MYO5A: variants seen among roughly 807,000 people sequenced by gnomAD.
MYO5A encodes the protein myosin VA, also known as unconventional myosin-Va.
A neutral mutation model predicts 249.7 loss-of-function variants in MYO5A; 98 were observed. The observed-to-expected ratio is 0.39, with a 90% CI of 0.33 to 0.46. MYO5A has a LOEUF of 0.46. Among genes scored for constraint, MYO5A ranks in the 20% least tolerant of loss-of-function variants. The pLI, the probability that MYO5A is intolerant of heterozygous loss-of-function variation, is 0.98. For missense variants in MYO5A, 1,696 were observed against 2,308.8 expected (o/e 0.73, Z 5.44); for synonymous variants, 778 against 810.6 (o/e 0.96, Z 0.68).
intron 1 of MYO5A, among the ~76,000 whole-genome samples, chr15:52,473,943 C>A (rs1044204167): frequency 2.6e-5 from 4 of 152,106 alleles, no homozygotes; most frequent in Admixed American, 6.5e-5. Context: ...TCATTGGTAG[C>A]TTGATGGGGA....
Position 52,491,229 on chromosome 15 carries a change from T to G in MYO5A, c.27+37551A>C, listed in dbSNP as rs144746411. Among the ~76,000 whole-genome samples, 68 of 152,268 alleles carry G rather than the reference T, an allele frequency of 4.5e-4. 1 individual carries two copies. In the East Asian group the frequency reaches 7.1e-3, roughly 16 times the overall value. ...AAGATGACCTACGATGATAACTACATTGGGCCTTGGCTGTTGGATTATTCC... is the reference window on the plus strand; with the variant it reads ...AAGATGACCTACGATGATAACTACAGTGGGCCTTGGCTGTTGGATTATTCC... On this transcript the variant is annotated intron_variant, in intron 1 of 41. Transcript: ENST00000399233.
chr15:52,379,016 T>A (rs2041592085), intron 18 of MYO5A, among the ~76,000 whole-genome samples: 1 of 152,176 alleles, frequency 6.6e-6, no homozygotes, highest in South Asian at 2.1e-4. Flanking sequence ...CATACACAAA[T>A]CTCACACTGC....
At position 52,484,986 on chromosome 15, in the gene MYO5A, T is replaced by C. The variant is rs140107979; in HGVS notation, c.27+43794A>G. Among the ~76,000 whole-genome samples, 837 of 152,288 alleles carry C rather than the reference T, an allele frequency of 5.5e-3. 9 individuals carry two copies. The highest frequency in any genetic ancestry group is 0.019 in the African/African-American group (804 of 41,556). On this transcript the variant is annotated intron_variant, in intron 1 of 41. Coordinates refer to ENST00000399233, the MANE Select transcript of MYO5A (RefSeq NM_001382347.1). ...ATCCGCCCGCCCTGGCCTCCCAAAG[T>C]GCTGGGATTACAGGTGTAAGCCACC...
At position 52,381,795 on chromosome 15, in the gene MYO5A, C is replaced by T. The variant is rs187377829; in HGVS notation, c.2012+1296G>A. ...TCTCTCTCTCTCTCACACACACACA[C>T]ACACACACACACACGGAGCATGGAG... is the stretch of plus-strand genomic sequence containing the variant. On this transcript the variant is annotated intron_variant, in intron 16 of 41. Transcript: ENST00000399233. Among the ~76,000 whole-genome samples the T allele has an allele frequency of 1.4e-4, 21 of 152,152 alleles. No homozygotes were observed. The East Asian group carries it at 3.3e-3, about 24-fold the overall frequency.
intron 5 of MYO5A, 112 bp from the exon 6 acceptor site, chr15:52,410,588 AT>A (rs5812605): frequency 0.1 from 65,830 of 660,312 alleles, 1 homozygote; most frequent in Non-Finnish European, 0.12. Flanking sequence ...CTTAAAATTG[AT>A]TTTTTTTTTT....
intron 34 of MYO5A, among the ~76,000 whole-genome samples, chr15:52,330,982 T>C (rs930874837): frequency 6.6e-6 from 1 of 152,284 alleles, no homozygotes; most frequent in East Asian, 1.9e-4. Flanking sequence ...CAAAAGAACA[T>C]TTACTTTAAA....
At position 52,311,675 on chromosome 15, in the gene MYO5A, G is replaced by A. The variant is rs918172663; in HGVS notation, c.*2021C>T. Reference sequence around the variant, plus strand: ...TACATTTGATTAATCCTAAGGAATTGACAGGCACTACACACTGGTCTTTCC... The same window carrying A: ...TACATTTGATTAATCCTAAGGAATTAACAGGCACTACACACTGGTCTTTCC... On this transcript the variant is annotated 3_prime_UTR_variant, in exon 42 of 42. Transcript: ENST00000399233. The A allele has an allele frequency of 6.6e-6, 1 of 152,182 alleles. No homozygotes were observed. The highest frequency in any genetic ancestry group is 2.4e-5 in the African/African-American group (1 of 41,442). 9.4% of individuals were successfully genotyped at this position (152,182 alleles called of 1,614,324 possible).
At chr15:52,452,583 G>A (rs1163580649) in intron 1 of MYO5A, among the ~76,000 whole-genome samples, 1 of 152,138 alleles carries the variant, frequency 6.6e-6, no homozygotes, top group Non-Finnish European at 1.5e-5. Context: ...CATACTGTAG[G>A]AGGTATATTC....
At chr15:52,456,995 GA>G (rs1340731367) in intron 1 of MYO5A, among the ~76,000 whole-genome samples, 3 of 152,114 alleles carry the variant, frequency 2.0e-5, no homozygotes, top group African/African-American at 7.2e-5. Context: ...ACACAGCAAA[GA>G]AAACGATTAA....
chr15:52,494,672 T>C (rs930481157), intron 1 of MYO5A, among the ~76,000 whole-genome samples: 4 of 152,142 alleles, frequency 2.6e-5, no homozygotes, highest in Non-Finnish European at 5.9e-5. Context: ...TTTGTATTTT[T>C]AGTAGAGATA....
chr15:52,390,294 C>T (rs1160288281), intron 12 of MYO5A, among the ~76,000 whole-genome samples: 2 of 151,982 alleles, frequency 1.3e-5, no homozygotes, highest in East Asian at 3.9e-4. Context: ...AAGATAAATG[C>T]TTGAGGGGAT....
chr15:52,493,227 G>C (rs1406313527), intron 1 of MYO5A, among the ~76,000 whole-genome samples: 3 of 152,158 alleles, frequency 2.0e-5, no homozygotes, highest in Admixed American at 6.5e-5. Context: ...GCTAGCAAAT[G>C]ATCTTAAATA....
Position 52,364,617 on chromosome 15 carries a change from C to T in MYO5A, c.3246G>A (p.Leu1082=), listed in dbSNP as rs755587361. Residue 1082 remains leucine (L), a synonymous_variant, in exon 24 of 42, where the codon CTG becomes CTA. Coordinates refer to ENST00000399233, the MANE Select transcript of MYO5A (RefSeq NM_001382347.1). ...TTTCTTCCAGGCGACTGAACTCATTCAGAAGGTTCTGATATCTCAGCCTTT... is the reference window on the plus strand; with the variant it reads ...TTTCTTCCAGGCGACTGAACTCATTTAGAAGGTTCTGATATCTCAGCCTTT... ...NDERLRYQNL[L]NEFSRLEERY... is the part of the protein sequence containing the mutation. The T allele has an allele frequency of 2.5e-6, 4 of 1,613,904 alleles. No homozygotes were observed. In the East Asian group the frequency reaches 8.9e-5, roughly 36 times the overall value.
chr15:52,391,790 T>C (rs2042248530), intron 12 of MYO5A, 140 bp downstream of exon 12: 4 of 820,218 alleles, frequency 4.9e-6, no homozygotes, highest in South Asian at 4.8e-5. Context: ...TAGTGTCCCT[T>C]TGGAATGAAA....
At chr15:52,466,957 C>T (rs1055148692) in intron 1 of MYO5A, among the ~76,000 whole-genome samples, 2 of 152,176 alleles carry the variant, frequency 1.3e-5, no homozygotes, top group Non-Finnish European at 2.9e-5. Context: ...CTGCCTGGTA[C>T]GCCACTACAA....
intron 1 of MYO5A, among the ~76,000 whole-genome samples, chr15:52,510,529 G>A (rs558513352): frequency 6.6e-6 from 1 of 152,352 alleles, no homozygotes; most frequent in Admixed American, 6.5e-5. Context: ...ACAGCAGGAG[G>A]TGAGTGGTGA....
At chr15:52,406,124 A>C (rs188310805) in intron 8 of MYO5A, among the ~76,000 whole-genome samples, 20 of 152,316 alleles carry the variant, frequency 1.3e-4, no homozygotes, top group East Asian at 9.6e-4. Flanking sequence ...TTTTTAAATA[A>C]CATAAGAATC....
intron 1 of MYO5A, among the ~76,000 whole-genome samples, chr15:52,473,666 T>G (rs1197895047): frequency 6.6e-6 from 1 of 152,202 alleles, no homozygotes; most frequent in East Asian, 1.9e-4. Context: ...TTTCCCCATT[T>G]CTTGTTTTTG....
intron 1 of MYO5A, among the ~76,000 whole-genome samples, chr15:52,463,927 C>T (rs2076302673): frequency 6.6e-6 from 1 of 152,120 alleles, no homozygotes; most frequent in African/African-American, 2.4e-5. Context: ...AATCTCAATT[C>T]CCTTACTTAC....
Sources: gnomAD v4.1 joint callset for allele counts (sites outside exome capture counted in the v4.1 genomes callset) on GRCh38, gnomAD v4.1.1 for gene constraint, MANE v1.5 for transcripts, NCBI Gene and HGNC (gene_info 2026-07-23, HGNC 2026-07-21) for gene names.